Variants in KAZN observed in about 807,000 individuals in gnomAD.
The protein encoded by KAZN is kazrin, periplakin interacting protein, also known as kazrin.
KAZN carries 40 observed loss-of-function variants against 87.4 expected under a neutral mutation model. The ratio of observed to expected loss-of-function variants is 0.46; its 90% CI spans 0.36 to 0.60. KAZN has a LOEUF of 0.60. Among genes scored for constraint, KAZN ranks in the 20% least tolerant of loss-of-function variants. The pLI, the probability that KAZN is intolerant of heterozygous loss-of-function variation, is 0.00. For missense variants in KAZN, 898 were observed against 1,073.9 expected (o/e 0.84, Z 2.29); for synonymous variants, 466 against 458.3 (o/e 1.02, Z -0.22).
At chr1:14,924,259 G>A (rs2101519898) in intron 1 of KAZN, 5 of 982,058 alleles carry the variant, frequency 5.1e-6, no homozygotes, top group Non-Finnish European at 4.8e-6. Context: ...GCGGGGGCGG[G>A]CTCGGCTGCG....
At chr1:14,282,189 G>A (rs916387596) in intron 2 of KAZN, among the ~76,000 whole-genome samples, 1 of 152,108 alleles carries the variant, frequency 6.6e-6, no homozygotes, top group Non-Finnish European at 1.5e-5. Context: ...TCCATACCCT[G>A]CACCAGATAT....
intron 2 of KAZN, among the ~76,000 whole-genome samples, chr1:14,234,607 T>C (rs995847028): frequency 6.6e-6 from 1 of 152,128 alleles, no homozygotes; most frequent in African/African-American, 2.4e-5. Flanking sequence ...TCCAAACTAA[T>C]TTTCCAATTG....
At chr1:15,036,601 A>C (rs1249937831) in intron 3 of KAZN, among the ~76,000 whole-genome samples, 1 of 152,028 alleles carries the variant, frequency 6.6e-6, no homozygotes, top group African/African-American at 2.4e-5. Context: ...CCTGGGGTGC[A>C]GCTCGTGGGC....
chr1:15,050,864 C>G (rs1217899305), intron 4 of KAZN, among the ~76,000 whole-genome samples: 4 of 152,204 alleles, frequency 2.6e-5, no homozygotes, highest in Non-Finnish European at 5.9e-5. Context: ...GTCATTGGTC[C>G]TTGGTGTTGT....
chr1:14,348,346 C>G (rs999656946), intron 2 of KAZN, among the ~76,000 whole-genome samples: 2 of 152,128 alleles, frequency 1.3e-5, no homozygotes, highest in South Asian at 2.1e-4. Flanking sequence ...GCCACTGTGC[C>G]TAACCCATAT....
At chr1:14,561,582 G>A (rs1323692464) in intron 2 of KAZN, among the ~76,000 whole-genome samples, 1 of 152,112 alleles carries the variant, frequency 6.6e-6, no homozygotes, top group African/African-American at 2.4e-5. Flanking sequence ...AGTCAATACT[G>A]GGAGGAGACA....
chr1:14,652,492 T>TGTCCATCCATCCACCCACCCACCC (rs1557865241), intron 1 of KAZN, among the ~76,000 whole-genome samples: 1 of 2,634 alleles, frequency 3.8e-4, no homozygotes, highest in Admixed American at 5.4e-3. Flanking sequence ...CCCATCCACC[T>TGTCCATCCATCCACCCACCCACCC]ATCCACCTAT....
chr1:14,802,185 C>G (rs1286333059), intron 1 of KAZN, among the ~76,000 whole-genome samples: 4 of 152,068 alleles, frequency 2.6e-5, no homozygotes, highest in African/African-American at 7.2e-5. Flanking sequence ...GCTGGTGGAT[C>G]ACTTGAGGCC....
intron 2 of KAZN, among the ~76,000 whole-genome samples, chr1:14,336,837 G>A (rs1657305408): frequency 6.6e-6 from 1 of 152,010 alleles, no homozygotes; most frequent in East Asian, 1.9e-4. Context: ...ATATAATCTG[G>A]TACTATATTC....
At chr1:14,290,124 TC>T in intron 2 of KAZN, among the ~76,000 whole-genome samples, 1 of 152,326 alleles carries the variant, frequency 6.6e-6, no homozygotes, top group Non-Finnish European at 1.5e-5. Context: ...TTCCTTGATT[TC>T]AACCTCGCTG....
intron 2 of KAZN, among the ~76,000 whole-genome samples, chr1:14,402,903 T>C (rs932881827): frequency 2.0e-5 from 3 of 152,050 alleles, no homozygotes. Context: ...TCTTGGCTCA[T>C]TGCAACCTCT....
At chr1:14,637,463 C>A (rs1680077745) in intron 1 of KAZN, among the ~76,000 whole-genome samples, 1 of 152,116 alleles carries the variant, frequency 6.6e-6, no homozygotes, top group African/African-American at 2.4e-5. Context: ...GCCAAGGGCA[C>A]ACAGTGGAGA....
intron 2 of KAZN, among the ~76,000 whole-genome samples, chr1:14,417,239 GTTA>G (rs1261472410): frequency 6.6e-6 from 1 of 151,884 alleles, no homozygotes; most frequent in Non-Finnish European, 1.5e-5. Context: ...CTTTCTGCAT[GTTA>G]TTATTCCATT....
intron 1 of KAZN, among the ~76,000 whole-genome samples, chr1:13,947,662 A>T (rs1188161391): frequency 6.6e-6 from 1 of 152,224 alleles, no homozygotes; most frequent in Non-Finnish European, 1.5e-5. Flanking sequence ...CTTAAACAAC[A>T]GAAATTTATC....
At chr1:14,880,448 T>C (rs1653214154) in intron 1 of KAZN, among the ~76,000 whole-genome samples, 1 of 152,190 alleles carries the variant, frequency 6.6e-6, no homozygotes. Context: ...AAACTGAGTA[T>C]AAAACACTAA....
At position 14,820,118 on chromosome 1, in the gene KAZN, G is replaced by A. The variant is rs1468334616; in HGVS notation, c.227-140566G>A. On this transcript the variant is annotated intron_variant, in intron 1 of 14. Coordinates refer to ENST00000376030, the MANE Select transcript of KAZN (RefSeq NM_201628.3). The surrounding 1 kb of genome is among the most constrained non-coding windows in gnomAD (Gnocchi z 4.1). Reference sequence around the variant, plus strand: ...TCACCTGGAGAATTTGTGAATTTATGAAAACAGTTTCCTGGGGCCCTTCCC... The same window carrying A: ...TCACCTGGAGAATTTGTGAATTTATAAAAACAGTTTCCTGGGGCCCTTCCC... Among the ~76,000 whole-genome samples the A allele has an allele frequency of 1.3e-5, 2 of 152,156 alleles. No homozygotes were observed. The highest frequency in any genetic ancestry group is 2.9e-5 in the Non-Finnish European group (2 of 68,028).
At position 14,846,162 on chromosome 1, in the gene KAZN, C is replaced by T. The variant is rs904902436; in HGVS notation, c.227-114522C>T. ...AACATAGGGGAGGAAAGTTCTATAG[C>T]GGCATGTCTTGGAGCTGCTGCATTC... On this transcript the variant is annotated intron_variant, in intron 1 of 14. Transcript: ENST00000376030. Among the ~76,000 whole-genome samples the T allele has an allele frequency of 7.9e-5, 12 of 152,288 alleles. 1 individual carries two copies. The Middle Eastern group carries it at 0.014, about 173-fold the overall frequency.
At chr1:14,022,436 A>G (rs1640869403) in intron 1 of KAZN, among the ~76,000 whole-genome samples, 1 of 146,446 alleles carries the variant, frequency 6.8e-6, no homozygotes, top group Non-Finnish European at 1.5e-5. Context: ...TATACTGAGT[A>G]TAGGTCTTGA....
At chr1:14,942,002 G>T (rs1454144705) in intron 1 of KAZN, among the ~76,000 whole-genome samples, 2 of 152,216 alleles carry the variant, frequency 1.3e-5, no homozygotes, top group African/African-American at 4.8e-5. Flanking sequence ...ATTCCAGAGA[G>T]ACGTGGCAAT....
Sources: allele counts gnomAD v4.1 joint callset (sites outside exome capture counted in the v4.1 genomes callset), GRCh38; gene constraint gnomAD v4.1.1; non-coding constraint Gnocchi (gnomAD v3.1); transcripts MANE v1.5; gene names NCBI Gene and HGNC (gene_info 2026-07-23, HGNC 2026-07-21).